Variants in ANO3 observed in about 807,000 individuals in gnomAD.
ANO3 encodes anoctamin-3.
In ANO3, 99 loss-of-function variants were observed where a neutral mutation model predicts 144.8. The observed-to-expected ratio is 0.68, with a 90% CI of 0.58 to 0.81. The LOEUF is 0.81. ANO3 is among the 30% of genes least tolerant of loss of function. The pLI is 0.00. For synonymous variants in ANO3, 414 were observed against 392.6 expected, an observed-to-expected ratio of 1.05 and a Z score of -0.64; for missense variants, 905 against 1,202.2, an observed-to-expected ratio of 0.75 and a Z score of 3.66.
At chr11:26,593,245 C>CTT (rs1221353830) in intron 14 of ANO3, among the ~76,000 whole-genome samples, 1 of 152,150 alleles carries the variant, frequency 6.6e-6, no homozygotes, top group African/African-American at 2.4e-5. Context: ...CATATTTACC[C>CTT]TTTTTCCTTC....
intron 1 of ANO3, among the ~76,000 whole-genome samples, chr11:26,285,398 G>A (rs2133848330): frequency 6.6e-6 from 1 of 152,012 alleles, no homozygotes; most frequent in South Asian, 2.1e-4. Context: ...AAATTATTTT[G>A]GTTTGTCTTA....
intron 1 of ANO3, among the ~76,000 whole-genome samples, chr11:26,434,553 G>A (rs182224502): frequency 2.6e-5 from 4 of 152,088 alleles, no homozygotes; most frequent in East Asian, 1.9e-4. Flanking sequence ...ACTTATTGAT[G>A]TGGGCATTTA....
Position 26,319,166 on chromosome 11 carries a change from GTTA to G in ANO3, c.-3+9456_-3+9458del, listed in dbSNP as rs1854699420. The stretch of plus-strand genomic sequence containing the variant: ...TAACATTATTATTATTATTATTATC[GTTA>G]TTATTATTTTGTAGAGACAGGGTCT... On this transcript the variant is annotated intron_variant, in intron 1 of 26. Coordinates refer to the ANO3 transcript ENST00000525139. Among the ~76,000 whole-genome samples, 4 of 140,582 alleles carry G rather than the reference GTTA, an allele frequency of 2.8e-5. No individual in the cohort carries two copies. In the South Asian group the frequency reaches 8.9e-4, roughly 31 times the overall value. 92.2% of individuals were successfully genotyped at this position (140,582 alleles called of 152,430 possible).
intron 14 of ANO3, among the ~76,000 whole-genome samples, chr11:26,597,983 C>T (rs1329560927): frequency 4.6e-5 from 7 of 152,152 alleles, no homozygotes; most frequent in African/African-American, 7.2e-5. Context: ...AAGCTCTGGA[C>T]GAGTAGCATT....
intron 14 of ANO3, among the ~76,000 whole-genome samples, chr11:26,587,394 T>G (rs904589177): frequency 6.6e-6 from 1 of 152,236 alleles, no homozygotes; most frequent in Non-Finnish European, 1.5e-5. Flanking sequence ...AGCTGGGTGC[T>G]TCTGCTTCAT....
chr11:26,363,286 T>C (rs1855975918), intron 1 of ANO3, among the ~76,000 whole-genome samples: 1 of 152,228 alleles, frequency 6.6e-6, no homozygotes, highest in African/African-American at 2.4e-5. Flanking sequence ...TATTAGGGTC[T>C]GCATTAGTCA....
chr11:26,472,503 A>G (rs1288348719), intron 4 of ANO3, among the ~76,000 whole-genome samples: 1 of 151,918 alleles, frequency 6.6e-6, no homozygotes, highest in Non-Finnish European at 1.5e-5. Flanking sequence ...GGAATTATAT[A>G]CAGGGACCAT....
At chr11:26,653,262 A>T (rs1190904192) in intron 24 of ANO3, among the ~76,000 whole-genome samples, 3 of 152,160 alleles carry the variant, frequency 2.0e-5, no homozygotes, top group African/African-American at 7.2e-5. Flanking sequence ...ATCCTGCTTA[A>T]CCTTCAGTCT....
chr11:26,538,695 CTTA>C (rs1351203327), intron 10 of ANO3, among the ~76,000 whole-genome samples: 1 of 152,018 alleles, frequency 6.6e-6, no homozygotes, highest in African/African-American at 2.4e-5. Context: ...AAATTTGGGA[CTTA>C]TTATAAATAA....
intron 3 of ANO3, among the ~76,000 whole-genome samples, chr11:26,459,687 A>G (rs1375314350): frequency 6.6e-6 from 1 of 152,028 alleles, no homozygotes; most frequent in Non-Finnish European, 1.5e-5. Flanking sequence ...AAGACAAATA[A>G]GTAAAAACAC....
intron 1 of ANO3, among the ~76,000 whole-genome samples, chr11:26,334,286 C>G (rs1855136968): frequency 6.6e-6 from 1 of 152,186 alleles, no homozygotes; most frequent in African/African-American, 2.4e-5. Context: ...CTAAGTGGTT[C>G]TGGTTAATGG....
chr11:26,429,258 C>T (rs1242036243), intron 1 of ANO3, among the ~76,000 whole-genome samples: 1 of 152,116 alleles, frequency 6.6e-6, no homozygotes, highest in Non-Finnish European at 1.5e-5. Context: ...CTGCAGGAAC[C>T]TGTCCAGCAA....
At chr11:26,272,215 C>A (rs754053141) in intron 1 of ANO3, among the ~76,000 whole-genome samples, 2 of 151,838 alleles carry the variant, frequency 1.3e-5, no homozygotes, top group Non-Finnish European at 2.9e-5. Flanking sequence ...GGAAGTGCCA[C>A]GGCGATGCTA....
chr11:26,309,712 T>A (rs1238787419), exon 1 of ANO3: 4 of 985,190 alleles, frequency 4.1e-6, no homozygotes, highest in Non-Finnish European at 4.8e-6. Context: ...AAGGCAAATA[T>A]AATGAAGGTG....
intron 1 of ANO3, among the ~76,000 whole-genome samples, chr11:26,277,190 A>G (rs1304591200): frequency 1.3e-5 from 2 of 152,144 alleles, no homozygotes; most frequent in Non-Finnish European, 2.9e-5. Context: ...ATTTTTGATG[A>G]ATTTAAATGA....
chr11:26,480,483 TTAAAAA>T (rs1260628987), intron 4 of ANO3, among the ~76,000 whole-genome samples: 25 of 152,016 alleles, frequency 1.6e-4, no homozygotes, highest in Admixed American at 1.3e-3. Context: ...TAGTAGTAAG[TTAAAAA>T]TAAAAATGAA....
intron 18 of ANO3, among the ~76,000 whole-genome samples, chr11:26,627,735 A>C (rs570123056): frequency 1.3e-5 from 2 of 151,854 alleles, no homozygotes; most frequent in Non-Finnish European, 2.9e-5. Flanking sequence ...ATGTCTGTTG[A>C]TTCATCATTT....
intron 13 of ANO3, among the ~76,000 whole-genome samples, chr11:26,556,836 G>A (rs1425819236): frequency 6.6e-6 from 1 of 152,068 alleles, no homozygotes; most frequent in Admixed American, 6.6e-5. Context: ...CTGCATACAT[G>A]GTTGAATCTG....
chr11:26,199,619 T>G (rs1851654130), intron 1 of ANO3, among the ~76,000 whole-genome samples: 2 of 152,212 alleles, frequency 1.3e-5, no homozygotes, highest in African/African-American at 2.4e-5. Flanking sequence ...CTATGGAAGT[T>G]GTTGATATTA....
Sources: gnomAD v4.1 joint callset for allele counts (sites outside exome capture counted in the v4.1 genomes callset) on GRCh38, gnomAD v4.1.1 for gene constraint, MANE v1.5 for transcripts, NCBI Gene and HGNC (gene_info 2026-07-23, HGNC 2026-07-21) for gene names.